Variants in ZSWIM5 observed in about 807,000 individuals in gnomAD.
The protein encoded by ZSWIM5 is zinc finger SWIM domain-containing protein 5.
ZSWIM5 carries 55 observed loss-of-function variants against 119.6 expected under a neutral mutation model. That is an observed-to-expected ratio of 0.46 (90% CI 0.37 to 0.58). The LOEUF (loss-of-function observed/expected upper bound fraction) is 0.58. ZSWIM5 is among the 20% of genes least tolerant of loss of function. ZSWIM5 has a pLI of 0.00. For missense variants in ZSWIM5, 1,193 were observed against 1,512.8 expected (o/e 0.79, Z 3.51); for synonymous variants, 537 against 606.9 (o/e 0.88, Z 1.69).
chr1:45,043,251 A>G lies in ZSWIM5; in HGVS notation c.1577T>C (p.Leu526Pro). The change falls in exon 6 of 14, where the codon CTC (leucine) becomes CCC (proline). Residue 526 changes from leucine (L) to proline (P), a missense_variant. This residue lies in a region of ZSWIM5 where 961 missense variants were observed against 1,290.0 expected (regional missense o/e 0.74). Coordinates refer to ENST00000359600, the MANE Select transcript of ZSWIM5 (RefSeq NM_020883.2). ...CAGTGGCTGGCCTTGGGAATTAAAG[A>G]GTAGTCTTTCACTTTCCCGCTGGCA... Reference protein sequence around the residue: ...PACQRESERLLFNSQGQPLWL... With the variant: ...PACQRESERLPFNSQGQPLWL... 6.2e-7 allele frequency: 1 copy of G among 1,614,024 alleles called. No individual in the cohort carries two copies. Among genetic ancestry groups the G allele is most frequent in the Non-Finnish European group, 8.5e-7 (1 of 1,179,964 alleles).
intron 1 of ZSWIM5, among the ~76,000 whole-genome samples, chr1:45,166,180 C>T (rs540710693): frequency 1.2e-4 from 18 of 152,180 alleles, no homozygotes; most frequent in East Asian, 1.9e-4. Context: ...AATCAATAAA[C>T]GTAATCCATC....
intron 1 of ZSWIM5, among the ~76,000 whole-genome samples, chr1:45,163,267 T>TA (rs1299840489): frequency 2.0e-5 from 3 of 151,998 alleles, no homozygotes; most frequent in African/African-American, 7.2e-5. Context: ...TCCTGACTGT[T>TA]AAAAGGAAAA....
At chr1:45,154,083 C>T (rs753836371) in intron 1 of ZSWIM5, among the ~76,000 whole-genome samples, 4 of 151,922 alleles carry the variant, frequency 2.6e-5, no homozygotes, top group East Asian at 1.9e-4. Context: ...AAAACACTGG[C>T]GAAAGAAATC....
At chr1:45,141,750 A>G (rs950227116) in intron 1 of ZSWIM5, among the ~76,000 whole-genome samples, 1 of 152,212 alleles carries the variant, frequency 6.6e-6, no homozygotes, top group African/African-American at 2.4e-5. Flanking sequence ...TTATAGTAGT[A>G]TGAGACAAAG....
intron 1 of ZSWIM5, among the ~76,000 whole-genome samples, chr1:45,108,781 A>G (rs1645496698): frequency 6.6e-6 from 1 of 152,178 alleles, no homozygotes. Flanking sequence ...TTTCAAGCAG[A>G]GTCAAACCTC....
intron 8 of ZSWIM5, among the ~76,000 whole-genome samples, chr1:45,036,814 G>A (rs1644987800): frequency 6.6e-6 from 1 of 152,044 alleles, no homozygotes; most frequent in Admixed American, 6.6e-5. Flanking sequence ...AATTTTTTTG[G>A]AGACAGAGTC....
At position 45,091,698 on chromosome 1, in the gene ZSWIM5, CCAAA is replaced by C. The variant is rs767594861; in HGVS notation, c.596-3465_596-3462del. Among the ~76,000 whole-genome samples the C allele has an allele frequency of 1.5e-4, 23 of 151,846 alleles. No homozygotes were observed. In the East Asian group the frequency reaches 2.9e-3, roughly 19 times the overall value. On this transcript the variant is annotated intron_variant, in intron 1 of 13. Coordinates refer to ENST00000359600, the MANE Select transcript of ZSWIM5 (RefSeq NM_020883.2). ...AAACAAACAAAAAACAACCAACCAA[CCAAA>C]CAAACAAACAAAATGAAACATAGAA...
intron 1 of ZSWIM5, among the ~76,000 whole-genome samples, chr1:45,204,144 CCT>C (rs967620948): frequency 6.6e-6 from 1 of 152,114 alleles, no homozygotes; most frequent in African/African-American, 2.4e-5. Flanking sequence ...TAAAACTCTT[CCT>C]CTCTTTTATT....
chr1:45,132,816 AATGTTC>A (rs1645666199), intron 1 of ZSWIM5, among the ~76,000 whole-genome samples: 1 of 151,908 alleles, frequency 6.6e-6, no homozygotes, highest in African/African-American at 2.4e-5. Flanking sequence ...CCTGTGTCCA[AATGTTC>A]TCATTGTTCA....
chr1:45,020,701 G>A lies in ZSWIM5; in HGVS notation c.2537C>T (p.Ala846Val), dbSNP rs1557737963. The A allele has an allele frequency of 6.2e-7, 1 of 1,614,118 alleles. No homozygotes were observed. The stretch of plus-strand genomic sequence containing the variant: ...GTCGGTGGGAGTAGCAATCTTGAAT[G>A]CATCTTGGGCCAGTTTGAAGATGAG... ...SSLIFKLAQDAFKIATPTDSS... is the reference protein window; with the variant it reads ...SSLIFKLAQDVFKIATPTDSS... The change falls in exon 12 of 14, where the codon GCA becomes GTA. Residue 846 changes from alanine to valine, a missense_variant. Around this residue, in one of 2 missense-constraint regions of ZSWIM5, gnomAD observed 961 missense variants for 1,290.0 expected, o/e 0.74. Coordinates refer to ENST00000359600, the MANE Select transcript of ZSWIM5 (RefSeq NM_020883.2).
intron 1 of ZSWIM5, among the ~76,000 whole-genome samples, chr1:45,194,767 C>T (rs1646112444): frequency 6.6e-6 from 1 of 151,788 alleles, no homozygotes; most frequent in Non-Finnish European, 1.5e-5. Flanking sequence ...GTCCCAGCTA[C>T]TCGGGAGGCT....
At chr1:45,195,423 G>A (rs1472489644) in intron 1 of ZSWIM5, among the ~76,000 whole-genome samples, 1 of 151,744 alleles carries the variant, frequency 6.6e-6, no homozygotes, top group African/African-American at 2.4e-5. Context: ...AATAGGGACA[G>A]GGTCTCCCTA....
intron 1 of ZSWIM5, among the ~76,000 whole-genome samples, chr1:45,185,681 G>A (rs537846978): frequency 0.014 from 2,180 of 152,266 alleles, 65 homozygotes; most frequent in African/African-American, 0.051. Context: ...TCAGAGAAAT[G>A]CAAATCAAAA....
intron 1 of ZSWIM5, among the ~76,000 whole-genome samples, chr1:45,164,059 G>A (rs1645883111): frequency 6.6e-6 from 1 of 152,152 alleles, no homozygotes; most frequent in African/African-American, 2.4e-5. Context: ...AATGTTGAGG[G>A]CAGCCAGAGA....
At chr1:45,034,499 C>T in intron 10 of ZSWIM5, 30 bp from the exon 11 acceptor site, 2 of 1,565,290 alleles carry the variant, frequency 1.3e-6, no homozygotes, top group Non-Finnish European at 1.7e-6. Context: ...TCATCAGCCA[C>T]CATCCAGACC....
intron 11 of ZSWIM5, among the ~76,000 whole-genome samples, chr1:45,027,014 A>T (rs945304369): frequency 1.4e-5 from 2 of 147,818 alleles, no homozygotes; most frequent in African/African-American, 2.5e-5. Flanking sequence ...AGTTGTTCAA[A>T]TTTTTTTTTT....
chr1:45,130,985 C>A (rs1276942162), intron 1 of ZSWIM5, among the ~76,000 whole-genome samples: 1 of 152,146 alleles, frequency 6.6e-6, no homozygotes, highest in Non-Finnish European at 1.5e-5. Context: ...GACAATCCCC[C>A]AAAGCTACAT....
rs35073818 is a variant in ZSWIM5, at chr1:45,146,431, C to CTTTTT, written c.596-58199_596-58195dup. On this transcript the variant is annotated intron_variant, in intron 1 of 13. Transcript: ENST00000359600. The stretch of plus-strand genomic sequence containing the variant: ...TAAAATACAAGTATCTGTTTCTAGA[C>CTTTTT]TTTTTTTTTTTTTTTTTTTTTTTTT... Among the ~76,000 whole-genome samples the CTTTTT allele has an allele frequency of 1.2e-3, 54 of 45,902 alleles. 14 individuals are homozygous for CTTTTT. Among genetic ancestry groups the CTTTTT allele is most frequent in the African/African-American group, 5.3e-3 (49 of 9,284 alleles). 30.1% of individuals were successfully genotyped at this position (45,902 alleles called of 152,430 possible).
intron 12 of ZSWIM5, 72 bp from the exon 13 acceptor site, chr1:45,020,219 T>G: frequency 1.6e-6 from 2 of 1,234,882 alleles, no homozygotes; most frequent in African/African-American, 1.5e-5. Flanking sequence ...TTGCATTCAT[T>G]TATGCGACAA....
Sources: allele counts gnomAD v4.1 joint callset (sites outside exome capture counted in the v4.1 genomes callset), GRCh38; gene constraint gnomAD v4.1.1; regional missense constraint gnomAD v4.1.1; transcripts MANE v1.5; gene names NCBI Gene and HGNC (gene_info 2026-07-23, HGNC 2026-07-21).